The following AEBP2 variants were observed in gnomAD, a reference collection of about 807,000 sequenced individuals.
AEBP2 encodes the protein AE binding protein 2.
A neutral mutation model predicts 50.8 loss-of-function variants in AEBP2; 10 were observed. The observed-to-expected ratio is 0.20, with a 90% CI of 0.12 to 0.33. The LOEUF is 0.33. AEBP2 is among the 10% of genes least tolerant of loss of function. The pLI, the probability that AEBP2 is intolerant of heterozygous loss-of-function variation, is 1.00. For synonymous variants in AEBP2, 296 were observed against 261.3 expected (o/e 1.13, Z -1.28); for missense variants, 570 against 688.0 (o/e 0.83, Z 1.92).
Position 19,512,389 on chromosome 12 carries a change from C to G in AEBP2, c.1300-9C>G, listed in dbSNP as rs1328236552. ...TTGTTTTTATGATTTCTTTTCATGTCATTATCAGGTAATAGCTAAGAGAAA... is the reference window on the plus strand; with the variant it reads ...TTGTTTTTATGATTTCTTTTCATGTGATTATCAGGTAATAGCTAAGAGAAA... On this transcript the variant is annotated splice_polypyrimidine_tract_variant and intron_variant, in intron 5 of 7. Transcript: ENST00000266508. 2.6e-6 allele frequency: 4 copies of G among 1,524,804 alleles called. No homozygotes were observed. Among genetic ancestry groups the G allele is most frequent in the Admixed American group, 2.1e-5 (1 of 47,286 alleles). The allele number at this position is 1,524,804 out of a possible 1,614,324, so 94.5% of individuals were successfully genotyped here. A position where few individuals can be genotyped will look rare whatever the true frequency, so the allele number is the denominator to read the frequency against.
intron 1 of AEBP2, among the ~76,000 whole-genome samples, chr12:19,452,738 A>G (rs1054472649): frequency 1.3e-5 from 2 of 152,134 alleles, no homozygotes; most frequent in African/African-American, 2.4e-5. Flanking sequence ...TGCTTTTGCA[A>G]TGTTTTGAAT....
In AEBP2 at chr12:19,462,543, A is replaced by C; in HGVS notation, c.705A>C (p.Thr235=). The change falls in exon 2 of 8, where the codon ACA becomes ACC. Residue 235 remains threonine (T), a synonymous_variant. Coordinates refer to ENST00000266508, the MANE Select transcript of AEBP2 (RefSeq NM_153207.5). ...ISSTIMDVDS[T]ISSGRSTPAM... ...GTACTATAATGGATGTAGACAGCAC[A>C]ATTTCCAGTGGGCGTTCAACTCCAG... The C allele has an allele frequency of 6.2e-7, 1 of 1,613,070 alleles. No individual in the cohort carries two copies. The highest frequency in any genetic ancestry group is 1.6e-4 in the Middle Eastern group (1 of 6,062).
rs985054162 is a variant in AEBP2, at chr12:19,503,330, T to G, written c.1299+3109T>G. Among the ~76,000 whole-genome samples, 8 of 116,764 alleles carry G rather than the reference T, an allele frequency of 6.9e-5. No homozygotes were observed. The East Asian group carries it at 1.1e-3, about 16-fold the overall frequency. 76.6% of individuals were successfully genotyped at this position (116,764 alleles called of 152,430 possible). On this transcript the variant is annotated intron_variant, in intron 5 of 7. Coordinates refer to ENST00000266508, the MANE Select transcript of AEBP2 (RefSeq NM_153207.5). The stretch of plus-strand genomic sequence containing the variant: ...CTCCTTGGTTAGATGTATTCCTTGG[T>G]GTGTGTGTGTGTGTGTATGTGTGTG...
At chr12:19,461,078 A>G (rs1948366971) in intron 1 of AEBP2, among the ~76,000 whole-genome samples, 1 of 152,178 alleles carries the variant, frequency 6.6e-6, no homozygotes. Flanking sequence ...TTGAATTCAG[A>G]TTTAGCTGTA....
chr12:19,457,710 GAAAA>G, intron 1 of AEBP2: 1 of 1,036,090 alleles, frequency 9.7e-7, no homozygotes, highest in Non-Finnish European at 1.3e-6. Context: ...ATTGTGAAAA[GAAAA>G]AAAAGCTAGT....
At chr12:19,412,912 A>G (rs2095740170) in intron 1 of AEBP2, among the ~76,000 whole-genome samples, 1 of 152,206 alleles carries the variant, frequency 6.6e-6, no homozygotes, top group Non-Finnish European at 1.5e-5. Flanking sequence ...TGGCGGCCTC[A>G]TGGCCGGCTC....
At chr12:19,515,974 A>G (rs932063864) in intron 7 of AEBP2, among the ~76,000 whole-genome samples, 2 of 152,006 alleles carry the variant, frequency 1.3e-5, no homozygotes, top group Admixed American at 1.3e-4. Context: ...GGTCCCAGCT[A>G]CTCAGGAGGC....
intron 1 of AEBP2, among the ~76,000 whole-genome samples, chr12:19,449,165 A>G (rs995375338): frequency 5.9e-5 from 9 of 152,142 alleles, no homozygotes; most frequent in Admixed American, 3.3e-4. Context: ...TTTTTCCTCA[A>G]AATTTCCTTA....
At position 19,520,052 on chromosome 12, in the gene AEBP2, G is replaced by T. The variant is rs1949376100; in HGVS notation, c.*1935G>T. ...TGCGAAGTAATCTGCAATCTCTTTT[G>T]TTCTTTTTAAAATTTGATTTGTTAT... On this transcript the variant is annotated 3_prime_UTR_variant, in exon 8 of 8. Transcript: ENST00000266508. The T allele has an allele frequency of 1.3e-5, 2 of 152,358 alleles. No homozygotes were observed. Among genetic ancestry groups the T allele is most frequent in the Non-Finnish European group, 1.5e-5 (1 of 67,936 alleles). The allele number at this position is 152,358 out of a possible 1,614,324, so 9.4% of individuals were successfully genotyped here.
At chr12:19,487,570 T>C (rs369578241) in intron 3 of AEBP2, among the ~76,000 whole-genome samples, 1 of 152,066 alleles carries the variant, frequency 6.6e-6, no homozygotes, top group South Asian at 2.1e-4. Context: ...ATACAAAAAT[T>C]AGCCAAGTGT....
In AEBP2 at chr12:19,439,834, G is replaced by A; in HGVS notation, c.135G>A (p.Glu45=). 6.7e-7 allele frequency: 1 copy of A among 1,502,820 alleles called. No individual in the cohort carries two copies. Among genetic ancestry groups the A allele is most frequent in the South Asian group, 1.2e-5 (1 of 81,522 alleles). The allele number at this position is 1,502,820 out of a possible 1,614,324, so 93.1% of individuals were successfully genotyped here. ...AGGAGGAGGAGGAAGAGGAGGAGGA[G>A]GAAGAGGAGGCGGAGGCCGAGGCGG... The part of the protein sequence containing the change: ...PPEEEEEEEE[E]EEEAEAEAVA... The change falls in exon 1 of 8, where the codon GAG becomes GAA. Residue 45 remains glutamate, a synonymous_variant. Coordinates refer to ENST00000266508, the MANE Select transcript of AEBP2 (RefSeq NM_153207.5).
chr12:19,456,556 C>T, intron 1 of AEBP2: 1 of 1,537,632 alleles, frequency 6.5e-7, no homozygotes, highest in East Asian at 2.3e-5. Flanking sequence ...CAATCCAGTA[C>T]AGGGGCATAG....
intron 1 of AEBP2, 100 bp downstream of exon 1, chr12:19,440,470 C>T: frequency 2.1e-6 from 3 of 1,410,558 alleles, no homozygotes; most frequent in East Asian, 2.5e-5. Context: ...CCCCCTGCTC[C>T]CCGAATCCTC....
chr12:19,474,104 A>G (rs1208990482), intron 3 of AEBP2, among the ~76,000 whole-genome samples: 6 of 152,228 alleles, frequency 3.9e-5, no homozygotes, highest in African/African-American at 1.4e-4. Flanking sequence ...TTGAGGTCAC[A>G]CTACTGAGCT....
intron 2 of AEBP2, among the ~76,000 whole-genome samples, chr12:19,470,155 T>C (rs1201563056): frequency 6.9e-6 from 1 of 144,548 alleles, no homozygotes; most frequent in Non-Finnish European, 1.5e-5. Context: ...TTGTGGATCT[T>C]TCTTTTTTCT....
intron 2 of AEBP2, among the ~76,000 whole-genome samples, chr12:19,465,318 C>T (rs890063982): frequency 1.3e-5 from 2 of 151,812 alleles, no homozygotes; most frequent in Admixed American, 6.6e-5. Context: ...CGCTTGAACC[C>T]GGGAGGCGGA....
chr12:19,434,863 T>C (rs1294212301), upstream of AEBP2, among the ~76,000 whole-genome samples: 1 of 152,210 alleles, frequency 6.6e-6, no homozygotes, highest in Non-Finnish European at 1.5e-5. Context: ...AACACAATTT[T>C]CTGCAAAATG....
chr12:19,464,627 C>T (rs564390382), intron 2 of AEBP2, among the ~76,000 whole-genome samples: 7 of 150,944 alleles, frequency 4.6e-5, no homozygotes, highest in Admixed American at 4.0e-4. Flanking sequence ...GTTCTTGTTG[C>T]CCAGGCTGGA....
Position 19,427,304 on chromosome 12 carries a change from C to T in AEBP2, c.-17+23088C>T, listed in dbSNP as rs557128627. ...AGGCAGGAGAATCGCTTCTTGAACC[C>T]GGGAGGCAGAGGTTGCAGTGAGCCG... On this transcript the variant is annotated intron_variant, in intron 1 of 3. Transcript: ENST00000538425. Among the ~76,000 whole-genome samples, 31 of 147,478 alleles carry T rather than the reference C, an allele frequency of 2.1e-4. No individual in the cohort carries two copies. In the East Asian group the frequency reaches 2.5e-3, roughly 12 times the overall value.
Sources: allele counts gnomAD v4.1 joint callset (sites outside exome capture counted in the v4.1 genomes callset), GRCh38; gene constraint gnomAD v4.1.1; transcripts MANE v1.5; gene names NCBI Gene and HGNC (gene_info 2026-07-23, HGNC 2026-07-21).